RTTN: variants seen among roughly 807,000 people sequenced by gnomAD.
RTTN encodes rotatin.
A neutral mutation model predicts 269.2 loss-of-function variants in RTTN; 182 were observed. That is an observed-to-expected ratio of 0.68 (90% CI 0.60 to 0.76). RTTN has a LOEUF of 0.76. Among genes scored for constraint, RTTN ranks in the 30% least tolerant of loss-of-function variants. The pLI, the probability that RTTN is intolerant of heterozygous loss-of-function variation, is 0.00. For synonymous variants in RTTN, 1,006 were observed against 963.5 expected (o/e 1.04, Z -0.82); for missense variants, 2,545 against 2,608.6 (o/e 0.98, Z 0.53).
chr18:70,160,671 A>AG (rs903270865), intron 14 of RTTN, among the ~76,000 whole-genome samples: 1 of 151,744 alleles, frequency 6.6e-6, no homozygotes, highest in African/African-American at 2.4e-5. Context: ...AAAAAAAAAA[A>AG]AAAAGAAAAA....
At chr18:70,159,800 G>A (rs1309697598) in intron 14 of RTTN, among the ~76,000 whole-genome samples, 1 of 152,002 alleles carries the variant, frequency 6.6e-6, no homozygotes, top group Non-Finnish European at 1.5e-5. Flanking sequence ...AAAACTCTAT[G>A]CATACCAAAT....
chr18:70,174,149 A>T (rs1406774892), intron 11 of RTTN, among the ~76,000 whole-genome samples: 5 of 7,420 alleles, frequency 6.7e-4, no homozygotes, highest in South Asian at 0.056. Flanking sequence ...TGAAAGTTTA[A>T]AAAAAAAAAA....
chr18:70,205,199 G>C lies in RTTN; in HGVS notation c.148C>G (p.Leu50Val). The C allele has an allele frequency of 6.2e-7, 1 of 1,614,186 alleles. No homozygotes were observed. Among genetic ancestry groups the C allele is most frequent in the Non-Finnish European group, 8.5e-7 (1 of 1,180,026 alleles). Residue 50 changes from leucine to valine, a missense_variant, in exon 2 of 49, where the codon CTG (leucine) becomes GTG (valine). Transcript: ENST00000640769. ...ACGGACGGGAAATTGAACCATTCCA[G>C]CAAATGAAGAAAAAGTTGCCTCTCC... ...IQERQLFLHL[L>V]EWFNFPSVPM...
chr18:70,030,453 T>C (rs1034666188), intron 41 of RTTN, among the ~76,000 whole-genome samples: 1 of 152,194 alleles, frequency 6.6e-6, no homozygotes, highest in African/African-American at 2.4e-5. Context: ...GATTCCCAAA[T>C]GAGAAATTAC....
intron 27 of RTTN, among the ~76,000 whole-genome samples, chr18:70,110,602 C>T (rs2145450687): frequency 6.6e-6 from 1 of 152,328 alleles, no homozygotes; most frequent in African/African-American, 2.4e-5. Context: ...TACCAGAGCC[C>T]TAGGTTTCAA....
chr18:70,065,479 C>T (rs1454427845), intron 35 of RTTN, among the ~76,000 whole-genome samples: 2 of 152,060 alleles, frequency 1.3e-5, no homozygotes, highest in African/African-American at 4.8e-5. Context: ...AAACCAGAAT[C>T]GCTTTACTTT....
At chr18:70,184,700 C>A (rs2061493610) in intron 10 of RTTN, among the ~76,000 whole-genome samples, 3 of 33,262 alleles carry the variant, frequency 9.0e-5, no homozygotes, top group Non-Finnish European at 2.1e-4. Context: ...AAAACCACAG[C>A]AGGTTTTTTT....
At chr18:70,099,820 C>A (rs1279058941) in intron 28 of RTTN, among the ~76,000 whole-genome samples, 1 of 152,192 alleles carries the variant, frequency 6.6e-6, no homozygotes, top group Admixed American at 6.5e-5. Context: ...TTTCCCAGTA[C>A]CATTTACTAA....
chr18:70,039,616 T>C (rs1160779593), intron 40 of RTTN, among the ~76,000 whole-genome samples: 1 of 152,224 alleles, frequency 6.6e-6, no homozygotes, highest in Non-Finnish European at 1.5e-5. Context: ...AATCATCTGA[T>C]GTTACAAAAC....
At position 70,114,519 on chromosome 18, in the gene RTTN, G is replaced by A; in HGVS notation, c.3609C>T (p.Val1203=). 1 of 1,613,658 alleles carries A rather than the reference G, an allele frequency of 6.2e-7. No individual in the cohort carries two copies. The highest frequency in any genetic ancestry group is 8.5e-7 in the Non-Finnish European group (1 of 1,179,654). Residue 1203 remains valine, a synonymous_variant, in exon 27 of 49, where the codon GTC becomes GTT. Coordinates refer to ENST00000640769, the MANE Select transcript of RTTN (RefSeq NM_173630.4). The part of the protein sequence containing the change: ...REETDDIRTA[V]RQQLQKELIA... ...TCAGTTCTTTCTGAAGTTGTTGCCT[G>A]ACAGCAGTCCGGATATCATCTGTTT...
Position 70,004,087 on chromosome 18 carries a change from C to T in RTTN, c.*64G>A. 8.1e-7 allele frequency: 1 copy of T among 1,232,544 alleles called. No homozygotes were observed. Among genetic ancestry groups the T allele is most frequent in the Non-Finnish European group, 1.2e-6 (1 of 834,434 alleles). 76.4% of individuals were successfully genotyped at this position (1,232,544 alleles called of 1,614,324 possible). On this transcript the variant is annotated 3_prime_UTR_variant, in exon 49 of 49. Coordinates refer to ENST00000640769, the MANE Select transcript of RTTN (RefSeq NM_173630.4). Reference sequence around the variant, plus strand: ...TTCAGGTAACAGCTGCTACACACAGCTGGCTTCAACTTTAGCTCCCCTGTT... The same window carrying T: ...TTCAGGTAACAGCTGCTACACACAGTTGGCTTCAACTTTAGCTCCCCTGTT...
Position 70,064,669 on chromosome 18 carries a change from T to C in RTTN, c.4747+1160A>G, listed in dbSNP as rs377346333. Among the ~76,000 whole-genome samples, 6 of 152,174 alleles carry C rather than the reference T, an allele frequency of 3.9e-5. No homozygotes were observed. The East Asian group carries it at 7.7e-4, about 20-fold the overall frequency. ...GAAGGAAAGTAGATTAGTGATTCCGTAGAGTGCCAAGAATGGGGGAGACAG... is the reference window on the plus strand; with the variant it reads ...GAAGGAAAGTAGATTAGTGATTCCGCAGAGTGCCAAGAATGGGGGAGACAG... On this transcript the variant is annotated intron_variant, in intron 35 of 48. Coordinates refer to ENST00000640769, the MANE Select transcript of RTTN (RefSeq NM_173630.4).
chr18:70,092,609 T>C (rs773284958), intron 29 of RTTN, 67 bp downstream of exon 29: 79 of 1,532,268 alleles, frequency 5.2e-5, no homozygotes, highest in Non-Finnish European at 5.3e-5. Flanking sequence ...ATGCTTGAAA[T>C]GTGTTGGACA....
intron 11 of RTTN, among the ~76,000 whole-genome samples, chr18:70,175,718 C>T (rs1354143828): frequency 1.3e-5 from 2 of 150,976 alleles, no homozygotes; most frequent in South Asian, 2.1e-4. Flanking sequence ...AGAAATAGGA[C>T]AGTCCTCAGA....
chr18:70,020,473 A>C lies in RTTN; in HGVS notation c.6153+142T>G, dbSNP rs562706326. ...CTATCAACTGGCTTTAAACAAAGTG[A>C]ACCTCTTAACCCTTTTATAATCCTT... On this transcript the variant is annotated intron_variant, in intron 45 of 48. Transcript: ENST00000640769. 548 of 780,846 alleles carry C rather than the reference A, an allele frequency of 7.0e-4. 1 individual carries two copies. The African/African-American group carries it at 8.2e-3, about 12-fold the overall frequency. 48.4% of individuals were successfully genotyped at this position (780,846 alleles called of 1,614,324 possible).
intron 14 of RTTN, among the ~76,000 whole-genome samples, chr18:70,156,860 A>G (rs2145839798): frequency 1.3e-5 from 2 of 152,298 alleles, no homozygotes; most frequent in African/African-American, 4.8e-5. Context: ...TGCCAGAAGT[A>G]GAAAGAGCAG....
chr18:70,067,706 C>G (rs2058180380), intron 34 of RTTN, among the ~76,000 whole-genome samples: 1 of 152,162 alleles, frequency 6.6e-6, no homozygotes. Context: ...ACTGAACATT[C>G]TTTCAACTGA....
In RTTN at chr18:70,030,017, T is replaced by C; in HGVS notation, c.5740A>G (p.Lys1914Glu). 1 of 1,611,046 alleles carries C rather than the reference T, an allele frequency of 6.2e-7. No homozygotes were observed. The highest frequency in any genetic ancestry group is 8.5e-7 in the Non-Finnish European group (1 of 1,177,884). ...SLRPGKAALK[K>E]KEDGVIKELS... is the part of the protein sequence containing the mutation. ...CATTTATCCCAGAATGTTACCTTTT[T>C]TTTCAATGCTGCTTTCCCAGGCCTC... is the stretch of plus-strand genomic sequence containing the variant. The change falls in exon 42 of 49, where the codon AAA becomes GAA. Residue 1914 changes from lysine (K) to glutamate (E), a missense_variant. Physicochemically the swap from Lys to Glu is moderately conservative, Grantham distance 56 (BLOSUM62 1). Transcript: ENST00000640769.
chr18:70,006,233 T>C (rs2056181719), intron 47 of RTTN, 148 bp downstream of exon 47: 1 of 564,160 alleles, frequency 1.8e-6, no homozygotes, highest in African/African-American at 1.9e-5. Flanking sequence ...ACTAATTGTA[T>C]GAATCAGCAA....
Sources: gnomAD v4.1 joint callset for allele counts (sites outside exome capture counted in the v4.1 genomes callset) on GRCh38, gnomAD v4.1.1 for gene constraint, MANE v1.5 for transcripts, NCBI Gene and HGNC (gene_info 2026-07-23, HGNC 2026-07-21) for gene names.